NBAS: variants seen among roughly 807,000 people sequenced by gnomAD.
NBAS encodes the protein NAG/BC035112 fusion.
In NBAS, 219 loss-of-function variants were observed where a neutral mutation model predicts 302.5. That is an observed-to-expected ratio of 0.72 (90% CI 0.65 to 0.81). The LOEUF (loss-of-function observed/expected upper bound fraction) is 0.81, where lower values mean the gene tolerates loss of function less well. Among genes scored for constraint, NBAS ranks in the 30% least tolerant of loss-of-function variants. The pLI, the probability that NBAS is intolerant of heterozygous loss-of-function variation, is 0.00. For missense variants in NBAS, 2,932 were observed against 2,841.6 expected (o/e 1.03, Z -0.72); for synonymous variants, 1,118 against 1,021.6 (o/e 1.09, Z -1.80).
At chr2:15,472,230 C>A (rs568561639) in intron 16 of NBAS, among the ~76,000 whole-genome samples, 2 of 152,076 alleles carry the variant, frequency 1.3e-5, no homozygotes, top group African/African-American at 2.4e-5. Context: ...TCCTGATGTG[C>A]TTTGGTTCTT....
At chr2:15,266,261 T>C (rs1283344052) in intron 44 of NBAS, among the ~76,000 whole-genome samples, 2 of 152,230 alleles carry the variant, frequency 1.3e-5, no homozygotes, top group Non-Finnish European at 2.9e-5. Flanking sequence ...TATTTCTTCA[T>C]AGCAGCATGA....
the NBAS span, among the ~76,000 whole-genome samples, chr2:14,886,175 G>A: frequency 6.9e-4 from 101 of 146,530 alleles, no homozygotes; most frequent in Middle Eastern, 3.4e-3. Flanking sequence ...GGTAAGGACC[G>A]CACAGCCCTG....
chr2:14,799,271 C>T, the NBAS span, among the ~76,000 whole-genome samples: 58 of 152,102 alleles, frequency 3.8e-4, no homozygotes, highest in African/African-American at 1.3e-3. Context: ...TGTATTCATT[C>T]AGTCCAAAAC....
intron 12 of NBAS, 72 bp downstream of exon 12, chr2:15,488,822 T>C: frequency 5.7e-6 from 9 of 1,576,586 alleles, no homozygotes; most frequent in Non-Finnish European, 7.8e-6. Context: ...TAGTAAAATA[T>C]CAATAAAATA....
the NBAS span, among the ~76,000 whole-genome samples, chr2:15,151,831 C>T: frequency 6.6e-6 from 1 of 152,084 alleles, no homozygotes; most frequent in Non-Finnish European, 1.5e-5. Flanking sequence ...GGTGCTGTAT[C>T]CACTCAAGAG....
At chr2:15,111,988 A>G in the NBAS span, among the ~76,000 whole-genome samples, 1 of 149,316 alleles carries the variant, frequency 6.7e-6, no homozygotes, top group Non-Finnish European at 1.5e-5. Context: ...TAGTTTGAGA[A>G]AACTAATTTC....
the NBAS span, among the ~76,000 whole-genome samples, chr2:15,070,245 TC>T: frequency 5.3e-5 from 8 of 152,164 alleles, no homozygotes; most frequent in Non-Finnish European, 8.8e-5. Context: ...CACAGCTGTT[TC>T]TTCAGATGTC....
At chr2:15,525,230 C>A (rs745984358) in intron 9 of NBAS, among the ~76,000 whole-genome samples, 1 of 152,162 alleles carries the variant, frequency 6.6e-6, no homozygotes, top group Admixed American at 6.5e-5. Flanking sequence ...TGCCAGGTAT[C>A]CCTGACAATG....
chr2:15,289,252 T>C (rs1433175853), intron 41 of NBAS, among the ~76,000 whole-genome samples: 2 of 151,864 alleles, frequency 1.3e-5, no homozygotes, highest in East Asian at 3.9e-4. Flanking sequence ...CCACACCTAG[T>C]TTTTTGTTTG....
chr2:15,034,528 A>G, the NBAS span, among the ~76,000 whole-genome samples: 6,380 of 152,200 alleles, frequency 0.042, 360 homozygotes, highest in African/African-American at 0.12. Flanking sequence ...TTGTTGTAGC[A>G]GCCTGAACTA....
At chr2:15,154,366 C>A in the NBAS span, among the ~76,000 whole-genome samples, 1 of 152,144 alleles carries the variant, frequency 6.6e-6, no homozygotes, top group Non-Finnish European at 1.5e-5. Flanking sequence ...GATGCTGTAG[C>A]GGGACAGAGT....
chr2:15,440,110 T>C (rs1678281260), intron 21 of NBAS, among the ~76,000 whole-genome samples: 1 of 152,228 alleles, frequency 6.6e-6, no homozygotes, highest in African/African-American at 2.4e-5. Flanking sequence ...AGCAGTAATC[T>C]CTGCAGACTT....
the NBAS span, among the ~76,000 whole-genome samples, chr2:14,909,540 G>A: frequency 2.0e-5 from 3 of 152,104 alleles, no homozygotes; most frequent in Non-Finnish European, 2.9e-5. Context: ...ACTTATTTGT[G>A]AGCTCAAATC....
chr2:14,883,385 A>G, the NBAS span, among the ~76,000 whole-genome samples: 1 of 152,220 alleles, frequency 6.6e-6, no homozygotes, highest in Non-Finnish European at 1.5e-5. Flanking sequence ...AAATTTTTAA[A>G]TGCTTTATGC....
intron 45 of NBAS, 25 bp from the exon 46 acceptor site, chr2:15,234,772 T>TA: frequency 1.9e-6 from 3 of 1,605,676 alleles, no homozygotes; most frequent in Non-Finnish European, 2.6e-6. Context: ...TAATCAGCAC[T>TA]TAAGTATCAA....
At chr2:14,790,759 C>A in the NBAS span, among the ~76,000 whole-genome samples, 13 of 150,882 alleles carry the variant, frequency 8.6e-5, no homozygotes, top group East Asian at 2.4e-3. Context: ...TCAAGCAATT[C>A]TCCTGCCCCA....
At chr2:15,322,402 T>C (rs1671852249) in intron 38 of NBAS, among the ~76,000 whole-genome samples, 1 of 151,658 alleles carries the variant, frequency 6.6e-6, no homozygotes, top group Non-Finnish European at 1.5e-5. Context: ...AATAAATAAA[T>C]AAATAAATAA....
Position 15,450,325 on chromosome 2 carries a change from T to A in NBAS, c.2339+10876A>T, listed in dbSNP as rs201455349. On this transcript the variant is annotated intron_variant, in intron 21 of 51. Transcript: ENST00000281513. ...ACAAAGACTCAGTATGTGAAATACTTTGGATTAAATATACATTCAGACACT... is the reference window on the plus strand; with the variant it reads ...ACAAAGACTCAGTATGTGAAATACTATGGATTAAATATACATTCAGACACT... Among the ~76,000 whole-genome samples the A allele has an allele frequency of 3.0e-4, 45 of 152,304 alleles. No homozygotes were observed. In the East Asian group the frequency reaches 8.1e-3, roughly 27 times the overall value.
intron 21 of NBAS, among the ~76,000 whole-genome samples, chr2:15,450,248 C>G (rs933705025): frequency 8.5e-5 from 13 of 152,168 alleles, no homozygotes; most frequent in African/African-American, 3.1e-4. Flanking sequence ...TTTCACCTAA[C>G]AAATTAATTG....
Sources: gnomAD v4.1 joint callset for allele counts (sites outside exome capture counted in the v4.1 genomes callset) on GRCh38, gnomAD v4.1.1 for gene constraint, MANE v1.5 for transcripts, NCBI Gene and HGNC (gene_info 2026-07-23, HGNC 2026-07-21) for gene names.